The following WDR7 variants were observed in gnomAD, a reference collection of about 807,000 sequenced individuals.
WDR7 encodes the protein WD repeat domain 7.
Under a neutral mutation model 169.4 loss-of-function variants are expected in WDR7, and 46 were observed. The observed-to-expected ratio is 0.27, with a 90% CI of 0.21 to 0.35. The LOEUF (loss-of-function observed/expected upper bound fraction) is 0.35, where lower values mean the gene tolerates loss of function less well. Among genes scored for constraint, WDR7 ranks in the 10% least tolerant of loss-of-function variants. WDR7 has a pLI of 1.00. For synonymous variants in WDR7, 612 were observed against 666.8 expected (o/e 0.92, Z 1.27); for missense variants, 1,534 against 1,859.3 (o/e 0.83, Z 3.22).
intron 25 of WDR7, among the ~76,000 whole-genome samples, chr18:56,946,064 GT>G (rs1398106402): frequency 6.6e-6 from 1 of 152,102 alleles, no homozygotes; most frequent in African/African-American, 2.4e-5. Context: ...CATTAATCAG[GT>G]TTTATCTAAA....
intron 16 of WDR7, among the ~76,000 whole-genome samples, chr18:56,766,846 T>C (rs2044076288): frequency 6.6e-6 from 1 of 152,244 alleles, no homozygotes; most frequent in Non-Finnish European, 1.5e-5. Context: ...CTGATAATTT[T>C]GATAGCTCTG....
intron 12 of WDR7, among the ~76,000 whole-genome samples, chr18:56,704,414 A>G (rs73496841): frequency 0.025 from 3,804 of 149,688 alleles, 152 homozygotes; most frequent in African/African-American, 0.087. Flanking sequence ...TGACATGGGC[A>G]TATAGTTCTA....
At chr18:56,941,752 T>G (rs1478937780) in intron 25 of WDR7, among the ~76,000 whole-genome samples, 2 of 152,218 alleles carry the variant, frequency 1.3e-5, no homozygotes, top group South Asian at 2.1e-4. Context: ...CACTTTCTCC[T>G]CAGGTCCATG....
chr18:56,817,676 A>G (rs2045003498), intron 20 of WDR7, among the ~76,000 whole-genome samples: 1 of 152,070 alleles, frequency 6.6e-6, no homozygotes, highest in Admixed American at 6.6e-5. Context: ...AATTTTTCTG[A>G]TAGTCATTTA....
rs1473483359 is a variant in WDR7, at chr18:56,700,565, C to T, written c.1578+4103C>T. ...CCACTGCGCCTGGCCAATATTGTTTCTTTTTTTTTTTTTTTTTTTTTTGAG... is the reference window on the plus strand; with the variant it reads ...CCACTGCGCCTGGCCAATATTGTTTTTTTTTTTTTTTTTTTTTTTTTTGAG... On this transcript the variant is annotated intron_variant, in intron 12 of 27. Coordinates refer to ENST00000254442, the MANE Select transcript of WDR7 (RefSeq NM_015285.3). 1.9e-3 allele frequency among the ~76,000 whole-genome samples: 217 copies of T among 115,810 alleles called. 10 individuals are homozygous for T. The East Asian group carries it at 0.025, about 13-fold the overall frequency. 76.0% of individuals were successfully genotyped at this position (115,810 alleles called of 152,430 possible). A position where few individuals can be genotyped will look rare whatever the true frequency, so the allele number is the denominator to read the frequency against.
intron 1 of WDR7, among the ~76,000 whole-genome samples, chr18:56,668,975 G>A (rs2025077921): frequency 6.6e-6 from 1 of 151,734 alleles, no homozygotes; most frequent in Admixed American, 6.6e-5. Flanking sequence ...TACATATATG[G>A]TCGCTTGATC....
At chr18:56,714,035 A>G (rs1195181651) in intron 12 of WDR7, among the ~76,000 whole-genome samples, 1 of 152,172 alleles carries the variant, frequency 6.6e-6, no homozygotes, top group Non-Finnish European at 1.5e-5. Flanking sequence ...TAAATAAGCT[A>G]GACATTTGCT....
rs1599101463 is a variant in WDR7, at chr18:56,852,876, A to G, written c.3305-27068A>G. On this transcript the variant is annotated intron_variant, in intron 20 of 27. Coordinates refer to ENST00000254442, the MANE Select transcript of WDR7 (RefSeq NM_015285.3). Reference sequence around the variant, plus strand: ...CTAAATAGGTACTTCAGCATGTTTTAAAATATTCTTTAAGTGTTCTACTCT... The same window carrying G: ...CTAAATAGGTACTTCAGCATGTTTTGAAATATTCTTTAAGTGTTCTACTCT... Among the ~76,000 whole-genome samples the G allele has an allele frequency of 1.3e-5, 2 of 152,170 alleles. 1 individual carries two copies.
At chr18:56,770,320 G>A (rs1000491612) in intron 16 of WDR7, among the ~76,000 whole-genome samples, 3 of 152,098 alleles carry the variant, frequency 2.0e-5, no homozygotes, top group Admixed American at 6.6e-5. Context: ...GCCCAATATC[G>A]ACATATAGTA....
chr18:56,762,157 C>T (rs1236173021), intron 16 of WDR7, among the ~76,000 whole-genome samples: 2 of 151,978 alleles, frequency 1.3e-5, no homozygotes, highest in Non-Finnish European at 2.9e-5. Context: ...CCCAATCTTG[C>T]ATCCTAGAAT....
intron 21 of WDR7, among the ~76,000 whole-genome samples, chr18:56,888,918 A>G (rs371121574): frequency 6.6e-6 from 1 of 152,162 alleles, no homozygotes; most frequent in Non-Finnish European, 1.5e-5. Flanking sequence ...TTTTAGTTAC[A>G]TAGAAGGCCT....
intron 26 of WDR7, among the ~76,000 whole-genome samples, chr18:57,011,409 C>A (rs1243870310): frequency 6.7e-6 from 1 of 149,776 alleles, no homozygotes; most frequent in Non-Finnish European, 1.5e-5. Context: ...TTATATCTTA[C>A]AATAAAACTT....
intron 3 of WDR7, among the ~76,000 whole-genome samples, 198 bp from the exon 4 acceptor site, chr18:56,681,115 G>T (rs910604551): frequency 3.9e-5 from 6 of 152,098 alleles, no homozygotes; most frequent in Non-Finnish European, 5.9e-5. Context: ...GGACTATGGT[G>T]GGGGGTGGGC....
intron 13 of WDR7, among the ~76,000 whole-genome samples, chr18:56,720,850 A>G (rs1417784254): frequency 8.0e-6 from 1 of 125,604 alleles, no homozygotes; most frequent in Non-Finnish European, 2.0e-5. Context: ...TGGGTAAACA[A>G]TCAGTCAATA....
At chr18:57,009,300 TAAA>T (rs1339527183) in intron 26 of WDR7, among the ~76,000 whole-genome samples, 1 of 152,200 alleles carries the variant, frequency 6.6e-6, no homozygotes, top group Non-Finnish European at 1.5e-5. Context: ...TTGGGAAAAG[TAAA>T]AATGTGAAAG....
chr18:56,788,319 A>G (rs962198462), intron 19 of WDR7, among the ~76,000 whole-genome samples: 4 of 152,150 alleles, frequency 2.6e-5, no homozygotes, highest in African/African-American at 9.7e-5. Context: ...TTTATATAGT[A>G]GTTTTTACTA....
At chr18:56,997,846 C>G (rs2047919746) in intron 26 of WDR7, among the ~76,000 whole-genome samples, 1 of 152,248 alleles carries the variant, frequency 6.6e-6, no homozygotes, top group African/African-American at 2.4e-5. Flanking sequence ...AGGTAATCAG[C>G]CTTTCTCCTT....
chr18:56,662,177 A>G (rs2024917973), intron 1 of WDR7, among the ~76,000 whole-genome samples: 1 of 152,208 alleles, frequency 6.6e-6, no homozygotes, highest in South Asian at 2.1e-4. Context: ...TTTGTCTGCA[A>G]GTCACAGGGG....
chr18:56,820,222 A>G (rs528047605), intron 20 of WDR7, among the ~76,000 whole-genome samples: 6 of 151,662 alleles, frequency 4.0e-5, no homozygotes, highest in South Asian at 4.2e-4. Flanking sequence ...TATGCCTTTA[A>G]GAAAGTTCCT....
Sources: allele counts gnomAD v4.1 joint callset (sites outside exome capture counted in the v4.1 genomes callset), GRCh38; gene constraint gnomAD v4.1.1; transcripts MANE v1.5; gene names NCBI Gene and HGNC (gene_info 2026-07-23, HGNC 2026-07-21).